The following NCEH1 variants were observed in gnomAD, a reference collection of about 807,000 sequenced individuals.
NCEH1 encodes the protein neutral cholesterol ester hydrolase 1.
NCEH1 carries 9 observed loss-of-function variants against 25.4 expected under a neutral mutation model. That is an observed-to-expected ratio of 0.35 (90% CI 0.21 to 0.62). NCEH1 has a LOEUF of 0.62. NCEH1 is among the 20% of genes least tolerant of loss of function. The pLI is 0.72. For missense variants in NCEH1, 412 were observed against 501.1 expected, an observed-to-expected ratio of 0.82 and a Z score of 1.70; for synonymous variants, 200 against 199.8, an observed-to-expected ratio of 1.00 and a Z score of -0.01.
chr3:172,691,242 T>C (rs976541869), intron 1 of NCEH1, among the ~76,000 whole-genome samples: 5 of 152,188 alleles, frequency 3.3e-5, no homozygotes, highest in African/African-American at 1.2e-4. Context: ...ATGTCAGACA[T>C]CCCTTCCTCT....
At chr3:172,670,200 C>T (rs1333435997) in intron 1 of NCEH1, among the ~76,000 whole-genome samples, 1 of 152,126 alleles carries the variant, frequency 6.6e-6, no homozygotes, top group Non-Finnish European at 1.5e-5. Context: ...AATATTATGA[C>T]ATTCAGGGCC....
intron 3 of NCEH1, among the ~76,000 whole-genome samples, chr3:172,637,734 C>T (rs1716657970): frequency 6.6e-6 from 1 of 152,110 alleles, no homozygotes; most frequent in African/African-American, 2.4e-5. Flanking sequence ...ACTAAAAATA[C>T]AAAAATTAGC....
At chr3:172,680,591 A>T (rs1351944535) in intron 1 of NCEH1, 1 of 152,118 alleles carries the variant, frequency 6.6e-6, no homozygotes, top group Non-Finnish European at 1.5e-5. Flanking sequence ...CCCTGCCCCA[A>T]ATCTCAGGGG....
At chr3:172,664,267 T>C (rs1315421969) in intron 1 of NCEH1, among the ~76,000 whole-genome samples, 1 of 152,226 alleles carries the variant, frequency 6.6e-6, no homozygotes, top group Non-Finnish European at 1.5e-5. Flanking sequence ...TTCTTTTCTT[T>C]AAGAATGTTG....
chr3:172,674,217 A>G (rs1263997235), intron 1 of NCEH1, among the ~76,000 whole-genome samples: 3 of 152,186 alleles, frequency 2.0e-5, no homozygotes. Flanking sequence ...CGAGGCAGGC[A>G]GATCACGAGG....
At chr3:172,657,295 C>T (rs1717740814) in intron 1 of NCEH1, among the ~76,000 whole-genome samples, 1 of 152,158 alleles carries the variant, frequency 6.6e-6, no homozygotes, top group African/African-American at 2.4e-5. Flanking sequence ...CAAACATCTC[C>T]AGGATCTAGC....
rs74558165 is a variant in NCEH1, at chr3:172,661,872, G to A, written c.139-13758C>T. ...GCTTATCAGCTTAAGGAGATTTTGG[G>A]CTGAGATGATGGGGTTTTCTAAATA... On this transcript the variant is annotated intron_variant, in intron 1 of 4. Coordinates refer to ENST00000475381, the MANE Select transcript of NCEH1 (RefSeq NM_020792.6). Among the ~76,000 whole-genome samples the A allele has an allele frequency of 2.2e-3, 331 of 152,262 alleles. 2 individuals carry two copies. The highest frequency in any genetic ancestry group is 7.7e-3 in the African/African-American group (320 of 41,542).
At chr3:172,660,052 A>G (rs902583688) in intron 1 of NCEH1, among the ~76,000 whole-genome samples, 17 of 151,690 alleles carry the variant, frequency 1.1e-4, no homozygotes, top group African/African-American at 4.1e-4. Flanking sequence ...TTACATATGT[A>G]TACATGTGCC....
intron 1 of NCEH1, among the ~76,000 whole-genome samples, chr3:172,657,768 C>T (rs768057981): frequency 3.9e-5 from 6 of 152,306 alleles, no homozygotes; most frequent in Non-Finnish European, 8.8e-5. Context: ...ACATTGGAAC[C>T]TCATTTCTCA....
chr3:172,711,033 T>C lies in NCEH1; in HGVS notation c.-49A>G. On this transcript the variant is annotated 5_prime_UTR_variant, in exon 1 of 5. Coordinates refer to ENST00000475381, the MANE Select transcript of NCEH1 (RefSeq NM_020792.6). ...CGGGCTGGCAAAGAGGAAAGGGCGATACCACCCGGAGACCTCCGGCAACTT... is the reference window on the plus strand; with the variant it reads ...CGGGCTGGCAAAGAGGAAAGGGCGACACCACCCGGAGACCTCCGGCAACTT... The C allele has an allele frequency of 2.5e-6, 4 of 1,613,094 alleles. No individual in the cohort carries two copies. The highest frequency in any genetic ancestry group is 3.4e-6 in the Non-Finnish European group (4 of 1,179,500).
intron 2 of NCEH1, among the ~76,000 whole-genome samples, chr3:172,647,311 T>C (rs1717165286): frequency 6.6e-6 from 1 of 152,236 alleles, no homozygotes; most frequent in Admixed American, 6.5e-5. Flanking sequence ...TTGAATGTGT[T>C]CTACTCATAA....
chr3:172,708,627 G>A (rs1022045719), intron 1 of NCEH1, among the ~76,000 whole-genome samples: 2 of 152,218 alleles, frequency 1.3e-5, no homozygotes, highest in African/African-American at 4.8e-5. Flanking sequence ...AAAGTGCTGG[G>A]ATTACAGCGT....
chr3:172,675,314 TAAATA>T (rs1711914502), intron 1 of NCEH1, among the ~76,000 whole-genome samples: 1 of 148,444 alleles, frequency 6.7e-6, no homozygotes. Flanking sequence ...AATAAATAAA[TAAATA>T]AATAAATAAA....
intron 1 of NCEH1, among the ~76,000 whole-genome samples, chr3:172,664,052 C>A (rs968651206): frequency 5.3e-5 from 8 of 152,108 alleles, no homozygotes; most frequent in African/African-American, 7.2e-5. Flanking sequence ...TCTTCCTAGC[C>A]TCGATGGTCT....
chr3:172,645,907 T>C (rs761781201), intron 2 of NCEH1, among the ~76,000 whole-genome samples: 4 of 152,266 alleles, frequency 2.6e-5, no homozygotes, highest in Non-Finnish European at 4.4e-5. Flanking sequence ...AGGAAATGCA[T>C]AGTTTAGTTT....
At chr3:172,687,047 C>A (rs923051744) in intron 1 of NCEH1, among the ~76,000 whole-genome samples, 5 of 152,170 alleles carry the variant, frequency 3.3e-5, no homozygotes, top group Admixed American at 2.0e-4. Flanking sequence ...AGTTAACGGA[C>A]AATAATGGTG....
chr3:172,672,062 C>T (rs1711667113), intron 1 of NCEH1, among the ~76,000 whole-genome samples: 1 of 152,186 alleles, frequency 6.6e-6, no homozygotes, highest in Non-Finnish European at 1.5e-5. Context: ...CCTGCAAGCT[C>T]CACGGTAAGT....
chr3:172,653,761 T>TTG lies in NCEH1; in HGVS notation c.139-5648_139-5647insCA, dbSNP rs1491103093. On this transcript the variant is annotated intron_variant, in intron 1 of 4. Transcript: ENST00000475381. Reference sequence around the variant, plus strand: ...TTTTTTTTGTTTTTTTGTTTTTTTGTTTTTTTTTTTTTTTGAGACAGAGTC... The same window carrying TTG: ...TTTTTTTTGTTTTTTTGTTTTTTTGTTGTTTTTTTTTTTTTTGAGACAGAGTC... Among the ~76,000 whole-genome samples the TTG allele has an allele frequency of 2.2e-3, 144 of 65,266 alleles. 4 individuals carry two copies. Among genetic ancestry groups the TTG allele is most frequent in the African/African-American group, 7.6e-3 (139 of 18,288 alleles). The allele number at this position is 65,266 out of a possible 152,430, so 42.8% of individuals were successfully genotyped here. A position where few individuals can be genotyped will look rare whatever the true frequency, so the allele number is the denominator to read the frequency against.
intron 1 of NCEH1, among the ~76,000 whole-genome samples, chr3:172,702,122 G>A (rs748211426): frequency 4.6e-5 from 7 of 152,174 alleles, no homozygotes; most frequent in Non-Finnish European, 7.3e-5. Flanking sequence ...AACACAGGCT[G>A]GAATCGAATT....
Sources: gnomAD v4.1 joint callset for allele counts (sites outside exome capture counted in the v4.1 genomes callset) on GRCh38, gnomAD v4.1.1 for gene constraint, MANE v1.5 for transcripts, NCBI Gene and HGNC (gene_info 2026-07-23, HGNC 2026-07-21) for gene names.